BRINP2: variants seen among roughly 807,000 people sequenced by gnomAD.
The protein encoded by BRINP2 is BMP/retinoic acid-inducible neural-specific protein 2.
Under a neutral mutation model 69.2 loss-of-function variants are expected in BRINP2, and 21 were observed. That is an observed-to-expected ratio of 0.30 (90% CI 0.22 to 0.44). The LOEUF is 0.44. BRINP2 is among the 20% of genes least tolerant of loss of function. The pLI is 1.00. For synonymous variants in BRINP2, 380 were observed against 394.1 expected (o/e 0.96, Z 0.42); for missense variants, 877 against 986.0 (o/e 0.89, Z 1.48).
At chr1:177,269,342 A>G (rs936760734) in intron 4 of BRINP2, among the ~76,000 whole-genome samples, 8 of 152,256 alleles carry the variant, frequency 5.3e-5, no homozygotes, top group African/African-American at 7.2e-5. Flanking sequence ...GTATACATAG[A>G]CATCCTGTCC....
At chr1:177,186,893 T>G (rs1469903712) in intron 1 of BRINP2, among the ~76,000 whole-genome samples, 1 of 152,188 alleles carries the variant, frequency 6.6e-6, no homozygotes, top group Non-Finnish European at 1.5e-5. Context: ...ACTCCACAAA[T>G]GTGAACTAAA....
At chr1:177,195,047 T>A (rs933993935) in intron 1 of BRINP2, among the ~76,000 whole-genome samples, 8 of 152,132 alleles carry the variant, frequency 5.3e-5, no homozygotes, top group Non-Finnish European at 1.0e-4. Context: ...GTATAAAATT[T>A]AAAAAAATGA....
chr1:177,217,614 A>G (rs994059304), intron 1 of BRINP2, among the ~76,000 whole-genome samples: 1 of 152,168 alleles, frequency 6.6e-6, no homozygotes, highest in Non-Finnish European at 1.5e-5. Context: ...GGAGACAGAC[A>G]ACTTTTCTGG....
At chr1:177,197,670 G>T (rs1439470536) in intron 1 of BRINP2, among the ~76,000 whole-genome samples, 1 of 152,052 alleles carries the variant, frequency 6.6e-6, no homozygotes, top group Non-Finnish European at 1.5e-5. Flanking sequence ...CCAGACTTTG[G>T]TATTGTGTTA....
intron 1 of BRINP2, among the ~76,000 whole-genome samples, chr1:177,187,305 C>A (rs1648456450): frequency 6.6e-6 from 1 of 152,160 alleles, no homozygotes; most frequent in African/African-American, 2.4e-5. Flanking sequence ...TATCATCAGT[C>A]ACCAGTTCCA....
At chr1:177,265,739 C>T (rs1179468857) in intron 4 of BRINP2, among the ~76,000 whole-genome samples, 1 of 152,072 alleles carries the variant, frequency 6.6e-6, no homozygotes, top group Non-Finnish European at 1.5e-5. Flanking sequence ...GAACAAGTTG[C>T]CAAACTTCTC....
Position 177,215,285 on chromosome 1 carries a change from G to C in BRINP2, c.-76-14516G>C, listed in dbSNP as rs532170441. Among the ~76,000 whole-genome samples the C allele has an allele frequency of 5.6e-4, 85 of 152,080 alleles. 1 individual carries two copies. The highest frequency in any genetic ancestry group is 1.8e-4 in the Non-Finnish European group (12 of 67,980). On this transcript the variant is annotated intron_variant, in intron 1 of 7. Coordinates refer to ENST00000361539, the MANE Select transcript of BRINP2 (RefSeq NM_021165.4). ...ATTCCATTGTTTTTTCTATATCTAT[G>C]AAAAATGACATTGGGATTCTGATAG... is the stretch of plus-strand genomic sequence containing the variant.
chr1:177,269,325 A>G (rs1651233189), intron 4 of BRINP2, among the ~76,000 whole-genome samples: 2 of 152,208 alleles, frequency 1.3e-5, no homozygotes, highest in African/African-American at 4.8e-5. Flanking sequence ...GCACACTGTG[A>G]AGGGTTGTAT....
intron 1 of BRINP2, among the ~76,000 whole-genome samples, chr1:177,213,740 T>A (rs1164130611): frequency 6.6e-6 from 1 of 152,188 alleles, no homozygotes; most frequent in East Asian, 1.9e-4. Flanking sequence ...AGGAGCATTA[T>A]AACAAGGATT....
intron 1 of BRINP2, among the ~76,000 whole-genome samples, chr1:177,172,069 C>T (rs967079785): frequency 6.6e-6 from 1 of 152,194 alleles, no homozygotes; most frequent in African/African-American, 2.4e-5. Flanking sequence ...AATAGGGCTG[C>T]ATAATTGCAG....
intron 1 of BRINP2, among the ~76,000 whole-genome samples, chr1:177,196,945 C>A (rs1398472146): frequency 6.6e-6 from 1 of 152,048 alleles, no homozygotes; most frequent in African/African-American, 2.4e-5. Flanking sequence ...CCACCCCAGT[C>A]CCCCCAGTTC....
Position 177,254,378 on chromosome 1 carries a change from GCACACACA to G in BRINP2, c.270-1517_270-1510del, listed in dbSNP as rs71565492. Among the ~76,000 whole-genome samples, 952 of 144,008 alleles carry G rather than the reference GCACACACA, an allele frequency of 6.6e-3. 2 individuals carry two copies. Among genetic ancestry groups the G allele is most frequent in the Middle Eastern group, 0.014 (4 of 282 alleles). The allele number at this position is 144,008 out of a possible 152,430, so 94.5% of individuals were successfully genotyped here. On this transcript the variant is annotated intron_variant, in intron 2 of 7. Transcript: ENST00000361539. Reference sequence around the variant, plus strand: ...TGCACCTAAACACATAAGCACACATGCACACACACACACACACACACACACACACACTA... The same window carrying G: ...TGCACCTAAACACATAAGCACACATGCACACACACACACACACACACACTA...
intron 1 of BRINP2, among the ~76,000 whole-genome samples, chr1:177,198,894 T>G (rs1353938708): frequency 6.6e-6 from 1 of 152,166 alleles, no homozygotes; most frequent in Non-Finnish European, 1.5e-5. Flanking sequence ...CTTTTACTTT[T>G]TACACCTGTC....
At chr1:177,194,764 T>TG (rs67842241) in intron 1 of BRINP2, among the ~76,000 whole-genome samples, 23,457 of 151,732 alleles carry the variant, frequency 0.15, 3,415 homozygotes, top group African/African-American at 0.38. Context: ...GTGGCGAGGC[T>TG]GTGTGTGTGT....
At chr1:177,277,035 T>C (rs975725565) in intron 6 of BRINP2, among the ~76,000 whole-genome samples, 2 of 152,182 alleles carry the variant, frequency 1.3e-5, no homozygotes, top group African/African-American at 4.8e-5. Context: ...ATGTAGATGC[T>C]CAATGTATAA....
intron 1 of BRINP2, among the ~76,000 whole-genome samples, chr1:177,192,853 C>T (rs560995004): frequency 1.6e-4 from 24 of 152,264 alleles, no homozygotes; most frequent in South Asian, 1.2e-3. Flanking sequence ...TAGTTGAAAA[C>T]ATAAAGTAGA....
At chr1:177,206,831 C>T (rs908785352) in intron 1 of BRINP2, among the ~76,000 whole-genome samples, 5 of 152,162 alleles carry the variant, frequency 3.3e-5, no homozygotes, top group African/African-American at 4.8e-5. Context: ...TGGAAACACA[C>T]TGATAGATGG....
chr1:177,281,813 TGAAA>T lies in BRINP2; in HGVS notation c.*291_*294del. ...TGGTGCTTTCTAAAATGAATGCAAT[TGAAA>T]GAAAGGAGCCAAGGAAGAGATTAAG... On this transcript the variant is annotated 3_prime_UTR_variant, in exon 8 of 8. Transcript: ENST00000361539. 1 of 293,708 alleles carries T rather than the reference TGAAA, an allele frequency of 3.4e-6. No homozygotes were observed. Among genetic ancestry groups the T allele is most frequent in the Non-Finnish European group, 6.3e-6 (1 of 159,962 alleles). 18.2% of individuals were successfully genotyped at this position (293,708 alleles called of 1,614,324 possible). A position where few individuals can be genotyped will look rare whatever the true frequency, so the allele number is the denominator to read the frequency against.
intron 2 of BRINP2, among the ~76,000 whole-genome samples, chr1:177,233,589 CTG>C (rs771491057): frequency 1.3e-5 from 2 of 152,224 alleles, no homozygotes; most frequent in Non-Finnish European, 2.9e-5. Context: ...AGGGGGAACA[CTG>C]TTCTCTTGCT....
Sources: allele counts gnomAD v4.1 joint callset (sites outside exome capture counted in the v4.1 genomes callset), GRCh38; gene constraint gnomAD v4.1.1; transcripts MANE v1.5; gene names NCBI Gene and HGNC (gene_info 2026-07-23, HGNC 2026-07-21).